Variants in OAS2 observed in about 807,000 individuals in gnomAD.
The protein encoded by OAS2 is 2'-5'-oligoadenylate synthase 2.
A neutral mutation model predicts 71.3 loss-of-function variants in OAS2; 67 were observed. The observed-to-expected ratio is 0.94, with a 90% CI of 0.77 to 1.15. The LOEUF is 1.15. Ranked by LOEUF, OAS2 falls within the 50% of genes most tolerant of loss-of-function variation. The pLI is 0.00. For missense variants in OAS2, 789 were observed against 822.5 expected, an observed-to-expected ratio of 0.96 and a Z score of 0.50; for synonymous variants, 327 against 321.8, an observed-to-expected ratio of 1.02 and a Z score of -0.17.
intron 2 of OAS2, chr12:112,987,568 G>A (rs181592620): frequency 7.6e-7 from 1 of 1,315,568 alleles, no homozygotes; most frequent in East Asian, 2.8e-5. Context: ...AAGCCATACT[G>A]TACACATAAA....
At chr12:112,981,057 T>A (rs2136374124) in intron 1 of OAS2, among the ~76,000 whole-genome samples, 2 of 152,278 alleles carry the variant, frequency 1.3e-5, no homozygotes, top group Middle Eastern at 6.8e-3. Flanking sequence ...TGCTTTTTAA[T>A]GGGATGGGTT....
chr12:113,005,309 C>A, intron 7 of OAS2, 87 bp downstream of exon 7: 2 of 1,335,384 alleles, frequency 1.5e-6, no homozygotes, highest in African/African-American at 1.5e-5. Context: ...GCTCTGAAAA[C>A]ATGTGCCACT....
At chr12:113,000,642 C>T (rs1237326725) in intron 5 of OAS2, among the ~76,000 whole-genome samples, 5 of 150,762 alleles carry the variant, frequency 3.3e-5, no homozygotes. Context: ...CACGTACTCA[C>T]ACCATGCACA....
chr12:112,996,164 C>T (rs541167650), intron 3 of OAS2, among the ~76,000 whole-genome samples: 2 of 152,214 alleles, frequency 1.3e-5, no homozygotes, highest in South Asian at 4.1e-4. Flanking sequence ...ACACATTTAT[C>T]CATTCTGCTG....
chr12:112,998,254 T>C lies in OAS2; in HGVS notation c.864-12T>C. On this transcript the variant is annotated splice_polypyrimidine_tract_variant and intron_variant, in intron 4 of 9. Coordinates refer to ENST00000392583, the MANE Select transcript of OAS2 (RefSeq NM_002535.3). ...GCTCAACTGACTTTTTTTAATCTAA[T>C]GGAATACACAGGCCAGTAATCTTGG... 1 of 1,607,796 alleles carries C rather than the reference T, an allele frequency of 6.2e-7. No homozygotes were observed. The highest frequency in any genetic ancestry group is 8.5e-7 in the Non-Finnish European group (1 of 1,177,900).
At position 113,010,522 on chromosome 12, in the gene OAS2, C is replaced by T. The variant is rs771757460; in HGVS notation, c.*1267C>T. The T allele has an allele frequency of 2.7e-5, 43 of 1,604,156 alleles. No individual in the cohort carries two copies. Among genetic ancestry groups the T allele is most frequent in the Admixed American group, 2.0e-4 (12 of 58,988 alleles). ...AATCGCTTTTAAAGACTCGGCTCAC[C>T]GTGAGAAAGAGTCACTCACATCCAT... On this transcript the variant is annotated 3_prime_UTR_variant, in exon 10 of 10. Transcript: ENST00000392583.
In OAS2 at chr12:113,009,261, G is replaced by A. The variant is rs1399992764; in HGVS notation, c.*6G>A. On this transcript the variant is annotated 3_prime_UTR_variant, in exon 10 of 10. Coordinates refer to ENST00000392583, the MANE Select transcript of OAS2 (RefSeq NM_002535.3). ...TGCCGGTAAAAGTCATCTAAAGGAG[G>A]CGTTGTCTGGAAATAGCCCTGTAAC... 1 of 1,613,332 alleles carries A rather than the reference G, an allele frequency of 6.2e-7. No individual in the cohort carries two copies. Among genetic ancestry groups the A allele is most frequent in the Non-Finnish European group, 8.5e-7 (1 of 1,179,590 alleles).
At position 113,009,099 on chromosome 12, in the gene OAS2, G is replaced by A. The variant is rs748418146; in HGVS notation, c.1908G>A (p.Leu636=). ...SQLQKTRPVI[L]DPAEPTGDVG... ...ACCTCTCATTCAGGCCTGTGATCTT[G>A]GACCCAGCCGAACCCACAGGTGACG... Residue 636 remains leucine (L), a synonymous_variant, in exon 10 of 10, where the codon TTG becomes TTA. Coordinates refer to ENST00000392583, the MANE Select transcript of OAS2 (RefSeq NM_002535.3). 3.1e-6 allele frequency: 5 copies of A among 1,613,424 alleles called. No individual in the cohort carries two copies. The highest frequency in any genetic ancestry group is 1.8e-4 in the Middle Eastern group (1 of 5,672).
chr12:112,980,263 T>C (rs1012981421), intron 1 of OAS2, among the ~76,000 whole-genome samples: 15 of 152,186 alleles, frequency 9.9e-5, no homozygotes, highest in African/African-American at 3.6e-4. Context: ...ACAGTTCAGA[T>C]CTTCTCTTCT....
At chr12:112,992,501 G>A (rs2044201370) in intron 2 of OAS2, among the ~76,000 whole-genome samples, 1 of 152,088 alleles carries the variant, frequency 6.6e-6, no homozygotes, top group Non-Finnish European at 1.5e-5. Context: ...AACAAATGGG[G>A]AAACAGAAAA....
chr12:112,982,100 A>G (rs748510830), intron 1 of OAS2, among the ~76,000 whole-genome samples: 1 of 151,764 alleles, frequency 6.6e-6, no homozygotes, highest in Non-Finnish European at 1.5e-5. Context: ...ACTTTACCAA[A>G]TTTATCAGTT....
rs1009605081 is a variant in OAS2 at position 113,010,645 on chromosome 12, A to T, written c.*1390A>T. On this transcript the variant is annotated 3_prime_UTR_variant, in exon 10 of 10. Transcript: ENST00000392583. ...CCTTTCATAAAGTCTTGCCTTGCTGAACTCCCTCTCTGCAGGCAGCCTGCC... is the reference window on the plus strand; with the variant it reads ...CCTTTCATAAAGTCTTGCCTTGCTGTACTCCCTCTCTGCAGGCAGCCTGCC... 6.6e-6 allele frequency: 7 copies of T among 1,068,338 alleles called. No individual in the cohort carries two copies. In the African/African-American group the frequency reaches 1.1e-4, roughly 17 times the overall value. 66.2% of individuals were successfully genotyped at this position (1,068,338 alleles called of 1,614,324 possible).
chr12:113,000,746 C>T (rs1433749831), intron 5 of OAS2, among the ~76,000 whole-genome samples: 2 of 152,086 alleles, frequency 1.3e-5, no homozygotes, highest in African/African-American at 4.8e-5. Flanking sequence ...CACACACATG[C>T]ACTCATACCA....
intron 9 of OAS2, among the ~76,000 whole-genome samples, chr12:113,008,148 G>C (rs921300134): frequency 6.6e-6 from 1 of 152,154 alleles, no homozygotes; most frequent in South Asian, 2.1e-4. Flanking sequence ...GAGAAGGAAG[G>C]TTCAAGATAC....
In OAS2 at chr12:112,988,549, G is replaced by A. The variant is rs776636647; in HGVS notation, c.448+1241G>A. 222 of 912,328 alleles carry A rather than the reference G, an allele frequency of 2.4e-4. No homozygotes were observed. In the Middle Eastern group the frequency reaches 3.4e-3, roughly 14 times the overall value. The allele number at this position is 912,328 out of a possible 1,614,324, so 56.5% of individuals were successfully genotyped here. ...TGTTTACACATCCTTTTAGGTTATA[G>A]TTCACCATGTACAGAGAAATTTTAG... On this transcript the variant is annotated intron_variant, in intron 2 of 9. Transcript: ENST00000392583.
chr12:112,998,951 C>T (rs145750957), intron 5 of OAS2, among the ~76,000 whole-genome samples: 1 of 152,312 alleles, frequency 6.6e-6, no homozygotes, highest in Non-Finnish European at 1.5e-5. Flanking sequence ...CACAGTTCAA[C>T]CCATCACACA....
In OAS2 at chr12:112,979,000, T is replaced by C. The variant is rs116428990; in HGVS notation, c.177+215T>C. Among the ~76,000 whole-genome samples the C allele has an allele frequency of 0.053, 8,050 of 152,212 alleles. 692 individuals are homozygous for C. Among genetic ancestry groups the C allele is most frequent in the African/African-American group, 0.18 (7,539 of 41,502 alleles). On this transcript the variant is annotated intron_variant, in intron 1 of 9. Transcript: ENST00000392583. This position sits in a 1 kb window ranked among gnomAD's most constrained non-coding sequence, Gnocchi z 4.2. ...CTCTCTGTGCCTCAGTCTCTGACTCTGTAAAATGGGGAGAGGCATAATACC... is the reference window on the plus strand; with the variant it reads ...CTCTCTGTGCCTCAGTCTCTGACTCCGTAAAATGGGGAGAGGCATAATACC...
chr12:112,995,271 C>A (rs376966338), intron 2 of OAS2, 25 bp from the exon 3 acceptor site: 2 of 1,586,742 alleles, frequency 1.3e-6, no homozygotes, highest in Non-Finnish European at 1.7e-6. Context: ...TAAATAACAA[C>A]GTTCCAATTT....
rs2072137 is a variant in OAS2 at position 113,003,116 on chromosome 12, T to C, written c.1179+14T>C. On this transcript the variant is annotated intron_variant, in intron 6 of 9. Coordinates refer to ENST00000392583, the MANE Select transcript of OAS2 (RefSeq NM_002535.3). ...CAGATTGTCCGGGTGAGCACTGGCC[T>C]TTCTCATGTCTTGTTGGAATGATGT... 648,181 of 1,611,860 alleles carry C rather than the reference T, an allele frequency of 0.4. 135,390 individuals carry two copies. Among genetic ancestry groups the C allele is most frequent in the Admixed American group, 0.5 (30,009 of 59,938 alleles).
Sources: allele counts gnomAD v4.1 joint callset (sites outside exome capture counted in the v4.1 genomes callset), GRCh38; gene constraint gnomAD v4.1.1; non-coding constraint Gnocchi (gnomAD v3.1); transcripts MANE v1.5; gene names NCBI Gene and HGNC (gene_info 2026-07-23, HGNC 2026-07-21).